DENND1A: variants seen among roughly 807,000 people sequenced by gnomAD.
The protein encoded by DENND1A is DENN domain-containing protein 1A.
Under a neutral mutation model 113.7 loss-of-function variants are expected in DENND1A, and 51 were observed. The observed-to-expected ratio is 0.45, with a 90% CI of 0.36 to 0.57. The LOEUF (loss-of-function observed/expected upper bound fraction) is 0.57. DENND1A is among the 20% of genes least tolerant of loss of function. The pLI, the probability that DENND1A is intolerant of heterozygous loss-of-function variation, is 0.00. For missense variants in DENND1A, 1,258 were observed against 1,395.9 expected (o/e 0.90, Z 1.57); for synonymous variants, 565 against 570.8 (o/e 0.99, Z 0.14).
At chr9:123,414,956 G>A (rs1021600796) in intron 19 of DENND1A, among the ~76,000 whole-genome samples, 5 of 152,184 alleles carry the variant, frequency 3.3e-5, no homozygotes, top group African/African-American at 9.7e-5. Flanking sequence ...CCTGGCACAT[G>A]TAAAAACACA....
At chr9:123,523,466 T>G (rs972905762) in intron 13 of DENND1A, among the ~76,000 whole-genome samples, 2 of 152,222 alleles carry the variant, frequency 1.3e-5, no homozygotes, top group Non-Finnish European at 2.9e-5. Context: ...TGAACTCAAG[T>G]CATCCCAATT....
chr9:123,778,952 T>A (rs1009525674), intron 3 of DENND1A, among the ~76,000 whole-genome samples: 7 of 152,170 alleles, frequency 4.6e-5, no homozygotes, highest in East Asian at 3.8e-4. Flanking sequence ...ATGCTATTTT[T>A]AAAAAAATGT....
At chr9:123,613,029 C>T (rs1355819533) in intron 10 of DENND1A, among the ~76,000 whole-genome samples, 3 of 152,132 alleles carry the variant, frequency 2.0e-5, no homozygotes, top group Non-Finnish European at 2.9e-5. Context: ...ACCTGGTAAA[C>T]TGCTGGTAAG....
chr9:123,649,256 G>A (rs1453873939), intron 9 of DENND1A, among the ~76,000 whole-genome samples: 3 of 152,048 alleles, frequency 2.0e-5, no homozygotes, highest in Non-Finnish European at 4.4e-5. Context: ...TCCCTCTATT[G>A]AGGACCATAA....
At chr9:123,397,495 A>G (rs1407425536) in intron 21 of DENND1A, among the ~76,000 whole-genome samples, 1 of 152,166 alleles carries the variant, frequency 6.6e-6, no homozygotes, top group Non-Finnish European at 1.5e-5. Context: ...ATATTAATGA[A>G]AACCTGGAAA....
intron 10 of DENND1A, among the ~76,000 whole-genome samples, chr9:123,622,785 A>G (rs1023414134): frequency 6.6e-6 from 1 of 152,236 alleles, no homozygotes; most frequent in Admixed American, 6.5e-5. Flanking sequence ...ATGTTTATAA[A>G]GAGCTTGTCA....
chr9:123,525,474 T>A (rs1416411762), intron 13 of DENND1A, among the ~76,000 whole-genome samples: 1 of 152,224 alleles, frequency 6.6e-6, no homozygotes, highest in Non-Finnish European at 1.5e-5. Flanking sequence ...ATCACCTGTA[T>A]ACTCGTGTAG....
At chr9:123,578,842 T>TTGTG (rs60704272) in intron 12 of DENND1A, among the ~76,000 whole-genome samples, 39 of 151,106 alleles carry the variant, frequency 2.6e-4, no homozygotes, top group East Asian at 7.8e-4. Context: ...CAGTGTGTGT[T>TTGTG]TGTGTGTGTG....
intron 1 of DENND1A, among the ~76,000 whole-genome samples, chr9:123,919,786 GCA>G (rs1855888251): frequency 6.6e-6 from 1 of 151,156 alleles, no homozygotes; most frequent in Admixed American, 6.6e-5. Context: ...GGTGGCTGAG[GCA>G]CGAGAATCAC....
chr9:123,525,446 CTGTT>C (rs2054749263), intron 13 of DENND1A, among the ~76,000 whole-genome samples: 1 of 152,212 alleles, frequency 6.6e-6, no homozygotes, highest in Non-Finnish European at 1.5e-5. Flanking sequence ...AGAGAAGACA[CTGTT>C]TGAGTTAGCC....
rs561161125 is a variant in DENND1A at position 123,539,209 on chromosome 9, C to A, written c.993+18361G>T. On this transcript the variant is annotated intron_variant, in intron 13 of 23. Coordinates refer to ENST00000394215, the MANE Select transcript of DENND1A (RefSeq NM_001352964.2). ...CTACAGTCTTGCAAAAGGGACTGAACCTCAGTCTATCCAATCTCTGGATCA... is the reference window on the plus strand; with the variant it reads ...CTACAGTCTTGCAAAAGGGACTGAAACTCAGTCTATCCAATCTCTGGATCA... Among the ~76,000 whole-genome samples, 201 of 152,172 alleles carry A rather than the reference C, an allele frequency of 1.3e-3. 1 individual carries two copies. Among genetic ancestry groups the A allele is most frequent in the African/African-American group, 4.6e-3 (193 of 41,530 alleles).
chr9:123,475,082 G>A (rs934731837), intron 13 of DENND1A, among the ~76,000 whole-genome samples: 2 of 152,004 alleles, frequency 1.3e-5, no homozygotes, highest in East Asian at 1.9e-4. Flanking sequence ...GCAGTGGCCC[G>A]ATCTCAGCTC....
chr9:123,748,204 G>T (rs952552136), intron 5 of DENND1A, among the ~76,000 whole-genome samples: 1 of 152,120 alleles, frequency 6.6e-6, no homozygotes, highest in African/African-American at 2.4e-5. Flanking sequence ...AATTTAATAA[G>T]TGAAAAAGCT....
intron 5 of DENND1A, among the ~76,000 whole-genome samples, chr9:123,702,881 A>G (rs927004428): frequency 6.6e-6 from 1 of 152,156 alleles, no homozygotes; most frequent in Non-Finnish European, 1.5e-5. Context: ...AAGTAAGTAT[A>G]CAGTCAAATT....
At chr9:123,472,335 A>G (rs978215972) in intron 13 of DENND1A, among the ~76,000 whole-genome samples, 2 of 152,124 alleles carry the variant, frequency 1.3e-5, no homozygotes, top group Non-Finnish European at 2.9e-5. Flanking sequence ...AAGCAGGTGG[A>G]GGGCCTGGTG....
chr9:123,755,145 CAG>C (rs2070414061), intron 5 of DENND1A, among the ~76,000 whole-genome samples: 1 of 139,728 alleles, frequency 7.2e-6, no homozygotes, highest in Non-Finnish European at 1.5e-5. Flanking sequence ...TTTTTTGAGA[CAG>C]AGTCTTGCTC....
intron 18 of DENND1A, among the ~76,000 whole-genome samples, chr9:123,450,098 C>T (rs2047602636): frequency 6.6e-6 from 1 of 151,104 alleles, no homozygotes; most frequent in African/African-American, 2.4e-5. Context: ...CAGGACATAG[C>T]TGGGATGATA....
intron 5 of DENND1A, among the ~76,000 whole-genome samples, chr9:123,710,450 G>C (rs553666224): frequency 2.0e-5 from 3 of 152,232 alleles, no homozygotes. Flanking sequence ...TACCACTCTA[G>C]AGAATCCTTT....
chr9:123,913,314 T>C (rs2768816), intron 1 of DENND1A, among the ~76,000 whole-genome samples: 13,072 of 151,998 alleles, frequency 0.086, 942 homozygotes, highest in African/African-American at 0.2. Context: ...CCTGAATATG[T>C]ACTCCAGCGA....
Sources: allele counts gnomAD v4.1 joint callset (sites outside exome capture counted in the v4.1 genomes callset), GRCh38; gene constraint gnomAD v4.1.1; transcripts MANE v1.5; gene names NCBI Gene and HGNC (gene_info 2026-07-23, HGNC 2026-07-21).